Variants in NXN observed in about 807,000 individuals in gnomAD.
NXN encodes nucleoredoxin.
A neutral mutation model predicts 48.6 loss-of-function variants in NXN; 16 were observed. The observed-to-expected ratio is 0.33, with a 90% CI of 0.22 to 0.50. The LOEUF is 0.50. Ranked by LOEUF, NXN falls within the 20% of genes least tolerant of loss-of-function variation. The pLI, the probability that NXN is intolerant of heterozygous loss-of-function variation, is 0.98. For synonymous variants in NXN, 281 were observed against 269.6 expected (o/e 1.04, Z -0.41); for missense variants, 492 against 605.5 (o/e 0.81, Z 1.97).
intron 1 of NXN, among the ~76,000 whole-genome samples, chr17:868,076 C>T (rs931596485): frequency 6.6e-6 from 1 of 152,110 alleles, no homozygotes; most frequent in African/African-American, 2.4e-5. Flanking sequence ...GCCTGTACGG[C>T]GTCCCATGGG....
chr17:895,810 A>AACAC (rs2068477662), intron 1 of NXN, among the ~76,000 whole-genome samples: 1 of 139,766 alleles, frequency 7.2e-6, no homozygotes, highest in Non-Finnish European at 1.5e-5. Flanking sequence ...GTTTGTCTCA[A>AACAC]AAACAAACAA....
At position 912,799 on chromosome 17, in the gene NXN, G is replaced by A. The variant is rs376293533; in HGVS notation, c.360+66520C>T. Among the ~76,000 whole-genome samples, 1,113 of 151,860 alleles carry A rather than the reference G, an allele frequency of 7.3e-3. 7 individuals carry two copies. Among genetic ancestry groups the A allele is most frequent in the Middle Eastern group, 0.017 (5 of 294 alleles). On this transcript the variant is annotated intron_variant, in intron 1 of 7. Coordinates refer to ENST00000336868, the MANE Select transcript of NXN (RefSeq NM_022463.5). The stretch of plus-strand genomic sequence containing the variant: ...GAAACCCCGTCTCTACTAAAAATAC[G>A]AAAAATTAGCCGGGCGTGGTGGTAC...
chr17:951,033 C>T (rs2069103037), intron 1 of NXN, among the ~76,000 whole-genome samples: 1 of 151,950 alleles, frequency 6.6e-6, no homozygotes, highest in Non-Finnish European at 1.5e-5. Context: ...CCCTAGTACT[C>T]CGCATTATAA....
intron 1 of NXN, chr17:909,929 G>A (rs1193286143): frequency 3.9e-5 from 6 of 152,284 alleles, no homozygotes; most frequent in African/African-American, 1.2e-4. Flanking sequence ...CTTAAAAAAC[G>A]CTGGTGAGTG....
At position 811,920 on chromosome 17, in the gene NXN, C is replaced by G. The variant is rs190516417; in HGVS notation, c.821-6673G>C. ...CGGGTTGTGCGGTTACCCAGTTCTG[C>G]TTTTTTTTTTTTTTTTTTTTTTTTT... On this transcript the variant is annotated intron_variant, in intron 5 of 7. Coordinates refer to ENST00000336868, the MANE Select transcript of NXN (RefSeq NM_022463.5). 1.4e-3 allele frequency among the ~76,000 whole-genome samples: 104 copies of G among 73,206 alleles called. 1 individual carries two copies. The highest frequency in any genetic ancestry group is 6.5e-3 in the African/African-American group (102 of 15,704). 48.0% of individuals were successfully genotyped at this position (73,206 alleles called of 152,430 possible).
intron 5 of NXN, among the ~76,000 whole-genome samples, chr17:812,171 C>T (rs1277523221): frequency 3.3e-5 from 5 of 151,662 alleles, no homozygotes; most frequent in South Asian, 2.1e-4. Flanking sequence ...TCGTGATCCG[C>T]CCGCCTCGGC....
chr17:973,942 G>C (rs1193088915), intron 1 of NXN, among the ~76,000 whole-genome samples: 2 of 151,716 alleles, frequency 1.3e-5, no homozygotes, highest in Non-Finnish European at 2.9e-5. Context: ...GCCTCCCAAA[G>C]TGCTGGGATG....
chr17:939,494 C>T (rs765994110), intron 1 of NXN, among the ~76,000 whole-genome samples: 5 of 151,986 alleles, frequency 3.3e-5, no homozygotes, highest in East Asian at 1.9e-4. Context: ...TACAGGTGCC[C>T]GCCACCACGC....
chr17:950,942 CT>C (rs11345173), intron 1 of NXN, among the ~76,000 whole-genome samples: 107,304 of 151,846 alleles, frequency 0.71, 38,675 homozygotes, highest in East Asian at 0.89. Flanking sequence ...GCTGTCAACT[CT>C]TGACTTTCTG....
chr17:895,638 C>T (rs1361649311), intron 1 of NXN, among the ~76,000 whole-genome samples: 3 of 114,930 alleles, frequency 2.6e-5, no homozygotes, highest in Admixed American at 9.9e-5. Context: ...CGGTGAAACC[C>T]CGTCTCTACT....
chr17:919,502 T>C lies in NXN; in HGVS notation c.360+59817A>G, dbSNP rs939995692. On this transcript the variant is annotated intron_variant, in intron 1 of 7. Transcript: ENST00000336868. The surrounding 1 kb of genome is among the most constrained non-coding windows in gnomAD (Gnocchi z 5.1). Reference sequence around the variant, plus strand: ...AACACGAGGAAAAAGCCCTGTAATCTCAGCACAACCAGAAATTAAAGTGGC... The same window carrying C: ...AACACGAGGAAAAAGCCCTGTAATCCCAGCACAACCAGAAATTAAAGTGGC... Among the ~76,000 whole-genome samples the C allele has an allele frequency of 2.6e-5, 4 of 152,152 alleles. No individual in the cohort carries two copies. Among genetic ancestry groups the C allele is most frequent in the African/African-American group, 9.7e-5 (4 of 41,434 alleles).
At position 801,205 on chromosome 17, in the gene NXN, T is replaced by G; in HGVS notation, c.1126-74A>C. On this transcript the variant is annotated intron_variant, in intron 7 of 7. Transcript: ENST00000336868. ...GGGGGAGAGTCCCCTGGGCCCAGTC[T>G]CCCCAGGTGTGGTAGCTCCCGCACC... 1.6e-5 allele frequency: 20 copies of G among 1,216,800 alleles called. 1 individual carries two copies. The highest frequency in any genetic ancestry group is 9.8e-6 in the Non-Finnish European group (9 of 919,166). 75.4% of individuals were successfully genotyped at this position (1,216,800 alleles called of 1,614,324 possible).
intron 1 of NXN, among the ~76,000 whole-genome samples, chr17:900,358 G>C (rs2068526172): frequency 6.6e-6 from 1 of 152,186 alleles, no homozygotes; most frequent in Non-Finnish European, 1.5e-5. Context: ...TGGAGAAATG[G>C]AGGCCTGGAA....
chr17:916,660 C>T (rs571410471), intron 1 of NXN, among the ~76,000 whole-genome samples: 11 of 152,218 alleles, frequency 7.2e-5, no homozygotes, highest in South Asian at 4.2e-4. Context: ...AGCAGCTGGC[C>T]GGGCACGGTG....
intron 1 of NXN, among the ~76,000 whole-genome samples, chr17:902,183 C>T (rs1297327064): frequency 6.6e-6 from 1 of 152,204 alleles, no homozygotes; most frequent in Non-Finnish European, 1.5e-5. Flanking sequence ...CAGGGCATCT[C>T]TCGCCAGTTT....
rs528644019 is a variant in NXN, at chr17:824,151, G to A, written c.479-386C>T. 4.6e-5 allele frequency among the ~76,000 whole-genome samples: 7 copies of A among 151,430 alleles called. No homozygotes were observed. In the South Asian group the frequency reaches 1.0e-3, roughly 23 times the overall value. ...GCCTCCCGGGTTCACGCCATTCCCC[G>A]GCCTCAGCCTCCCAAGTAGCTGGGA... On this transcript the variant is annotated intron_variant, in intron 2 of 7. Coordinates refer to ENST00000336868, the MANE Select transcript of NXN (RefSeq NM_022463.5).
In NXN at chr17:813,705, A is replaced by G. The variant is rs145351037; in HGVS notation, c.820+5734T>C. The stretch of plus-strand genomic sequence containing the variant: ...TACGGCCGGCCGGGCGCGGTGGCTC[A>G]CGCCTGTAATCCCAGCACTTTGGGA... On this transcript the variant is annotated intron_variant, in intron 5 of 7. Coordinates refer to ENST00000336868, the MANE Select transcript of NXN (RefSeq NM_022463.5). Among the ~76,000 whole-genome samples, 979 of 152,228 alleles carry G rather than the reference A, an allele frequency of 6.4e-3. 16 individuals carry two copies. Among genetic ancestry groups the G allele is most frequent in the African/African-American group, 0.022 (923 of 41,534 alleles).
At chr17:861,171 T>A (rs951602425) in intron 1 of NXN, among the ~76,000 whole-genome samples, 1 of 152,194 alleles carries the variant, frequency 6.6e-6, no homozygotes, top group Non-Finnish European at 1.5e-5. Flanking sequence ...TTTCACTCTG[T>A]CGCCTGCGCT....
At chr17:851,143 C>T (rs1314284119) in intron 1 of NXN, among the ~76,000 whole-genome samples, 2 of 152,250 alleles carry the variant, frequency 1.3e-5, no homozygotes, top group African/African-American at 4.8e-5. Context: ...AACTGCTAAA[C>T]ATCAACACGT....
Sources: gnomAD v4.1 joint callset for allele counts (sites outside exome capture counted in the v4.1 genomes callset) on GRCh38, gnomAD v4.1.1 for gene constraint, Gnocchi (gnomAD v3.1) non-coding constraint, MANE v1.5 for transcripts, NCBI Gene and HGNC (gene_info 2026-07-23, HGNC 2026-07-21) for gene names.